CUX2: variants seen among roughly 807,000 people sequenced by gnomAD.
The protein encoded by CUX2 is cut like homeobox 2.
In CUX2, 40 loss-of-function variants were observed where a neutral mutation model predicts 144.8. The ratio of observed to expected loss-of-function variants is 0.28; its 90% confidence interval spans 0.21 to 0.36. The LOEUF (loss-of-function observed/expected upper bound fraction) is 0.36. CUX2 is among the 10% of genes least tolerant of loss of function. CUX2 has a pLI of 1.00. For missense variants in CUX2, 1,615 were observed against 1,994.0 expected (o/e 0.81, Z 3.62); for synonymous variants, 827 against 875.6 (o/e 0.94, Z 0.98).
chr12:111,342,070 G>A lies in CUX2; in HGVS notation c.3659+17G>A, dbSNP rs777924441. Reference sequence around the variant, plus strand: ...CAACTACAGGTGGGACTATGGGGGCGTACCCACAGGCGGGTGGCAGAATCC... The same window carrying A: ...CAACTACAGGTGGGACTATGGGGGCATACCCACAGGCGGGTGGCAGAATCC... On this transcript the variant is annotated intron_variant, in intron 21 of 21. Coordinates refer to ENST00000261726, the MANE Select transcript of CUX2 (RefSeq NM_015267.4). The A allele has an allele frequency of 2.9e-4, 455 of 1,596,312 alleles. No homozygotes were observed. The highest frequency in any genetic ancestry group is 3.7e-4 in the Non-Finnish European group (432 of 1,170,120).
At chr12:111,211,621 C>T (rs950701761) in intron 1 of CUX2, among the ~76,000 whole-genome samples, 2 of 152,158 alleles carry the variant, frequency 1.3e-5, no homozygotes, top group Admixed American at 6.5e-5. Context: ...TGTGGTGGCT[C>T]ACGCCTGTAA....
chr12:111,146,185 C>T (rs1566252516), intron 1 of CUX2, among the ~76,000 whole-genome samples: 2 of 152,222 alleles, frequency 1.3e-5, no homozygotes, highest in Non-Finnish European at 2.9e-5. Flanking sequence ...CACACTGACA[C>T]CTCATTATCA....
chr12:111,270,489 A>G (rs1884586280), intron 4 of CUX2: 1 of 152,216 alleles, frequency 6.6e-6, no homozygotes, highest in Non-Finnish European at 1.5e-5. Context: ...TGTTAAAAGC[A>G]TAATTAATGT....
chr12:111,186,902 C>T lies in CUX2; in HGVS notation c.64-27298C>T, dbSNP rs1486796257. Among the ~76,000 whole-genome samples the T allele has an allele frequency of 6.6e-6, 1 of 152,054 alleles. No individual in the cohort carries two copies. Reference sequence around the variant, plus strand: ...CGAGTGATTCTCCTGCCTCAGCCTCCTGAGTAGCTGGGATTACAGGCACGT... The same window carrying T: ...CGAGTGATTCTCCTGCCTCAGCCTCTTGAGTAGCTGGGATTACAGGCACGT... On this transcript the variant is annotated intron_variant, in intron 1 of 21. Transcript: ENST00000261726. The surrounding 1 kb of genome is among the most constrained non-coding windows in gnomAD (Gnocchi z 4.4).
intron 1 of CUX2, among the ~76,000 whole-genome samples, chr12:111,055,887 G>A (rs766443260): frequency 2.0e-5 from 3 of 152,234 alleles, no homozygotes; most frequent in East Asian, 1.9e-4. Flanking sequence ...AAACCACTTC[G>A]CTGGGAGTCG....
chr12:111,266,917 C>T (rs1462758025), intron 4 of CUX2, among the ~76,000 whole-genome samples: 4 of 152,248 alleles, frequency 2.6e-5, no homozygotes, highest in Admixed American at 6.5e-5. Context: ...GAGGCTCAGC[C>T]GCAGGTGGCG....
At chr12:111,327,510 A>G (rs1349197132) in intron 18 of CUX2, among the ~76,000 whole-genome samples, 1 of 152,180 alleles carries the variant, frequency 6.6e-6, no homozygotes, top group Non-Finnish European at 1.5e-5. Context: ...TGTTGACGCT[A>G]GCCATCCTGG....
chr12:111,264,055 C>G (rs1438252376), intron 4 of CUX2, among the ~76,000 whole-genome samples: 1 of 152,102 alleles, frequency 6.6e-6, no homozygotes, highest in Non-Finnish European at 1.5e-5. Flanking sequence ...GTCACATCAG[C>G]CAGGAGCCTG....
intron 3 of CUX2, among the ~76,000 whole-genome samples, chr12:111,251,057 A>G (rs1164068363): frequency 6.6e-6 from 1 of 152,202 alleles, no homozygotes; most frequent in Non-Finnish European, 1.5e-5. Flanking sequence ...CGCTAAAGAA[A>G]GCCTCCTGTC....
chr12:111,153,839 G>C (rs1020159944), intron 1 of CUX2, among the ~76,000 whole-genome samples: 1 of 152,120 alleles, frequency 6.6e-6, no homozygotes, highest in African/African-American at 2.4e-5. Flanking sequence ...TACACAACAA[G>C]GATTTGTTTT....
chr12:111,303,275 G>A (rs1886398951), intron 9 of CUX2, among the ~76,000 whole-genome samples: 1 of 145,988 alleles, frequency 6.8e-6, no homozygotes, highest in South Asian at 2.2e-4. Flanking sequence ...TTAGTGAACT[G>A]CTGCATTCTG....
At chr12:111,251,285 G>T (rs147772529) in intron 3 of CUX2, among the ~76,000 whole-genome samples, 2 of 152,226 alleles carry the variant, frequency 1.3e-5, no homozygotes, top group East Asian at 1.9e-4. Flanking sequence ...GCAGTCTTAC[G>T]TGGAGGCCTG....
At chr12:111,326,538 C>G (rs1887829145) in intron 18 of CUX2, among the ~76,000 whole-genome samples, 2 of 151,734 alleles carry the variant, frequency 1.3e-5, no homozygotes, top group African/African-American at 2.4e-5. Flanking sequence ...ACTCTGTCAC[C>G]CAGGCTGGAG....
At chr12:111,321,295 C>T (rs1047509277) in intron 17 of CUX2, among the ~76,000 whole-genome samples, 1 of 152,084 alleles carries the variant, frequency 6.6e-6, no homozygotes, top group African/African-American at 2.4e-5. Flanking sequence ...GGTGAAACCC[C>T]ATCTCTACTA....
intron 1 of CUX2, among the ~76,000 whole-genome samples, chr12:111,047,652 C>T (rs201488444): frequency 2.6e-5 from 4 of 152,180 alleles, no homozygotes; most frequent in East Asian, 3.8e-4. Context: ...ACACAAGACT[C>T]GAACCCAGAC....
chr12:111,303,274 T>C (rs1016714293), intron 9 of CUX2, among the ~76,000 whole-genome samples: 2 of 146,076 alleles, frequency 1.4e-5, no homozygotes, highest in Non-Finnish European at 3.0e-5. Context: ...TTTAGTGAAC[T>C]GCTGCATTCT....
Position 111,059,535 on chromosome 12 carries a change from G to T in CUX2, c.63+25295G>T, listed in dbSNP as rs2136019035. Among the ~76,000 whole-genome samples, 1 of 152,214 alleles carries T rather than the reference G, an allele frequency of 6.6e-6. No individual in the cohort carries two copies. The highest frequency in any genetic ancestry group is 2.1e-4 in the South Asian group (1 of 4,806). ...CAGTTTCCCTCACCTTCCAAATGGG[G>T]CACGTGACTCTTCTGACTTTCCTAG... On this transcript the variant is annotated intron_variant, in intron 1 of 21. Coordinates refer to ENST00000261726, the MANE Select transcript of CUX2 (RefSeq NM_015267.4). The surrounding 1 kb of genome is among the most constrained non-coding windows in gnomAD (Gnocchi z 5.3).
intron 1 of CUX2, among the ~76,000 whole-genome samples, chr12:111,038,899 C>T (rs1869596501): frequency 6.6e-6 from 1 of 151,630 alleles, no homozygotes; most frequent in Non-Finnish European, 1.5e-5. Flanking sequence ...CTATTTTGAC[C>T]AGAGGGAACA....
chr12:111,136,583 CTTGG>C (rs1875902631), intron 1 of CUX2, among the ~76,000 whole-genome samples: 1 of 152,220 alleles, frequency 6.6e-6, no homozygotes, highest in Non-Finnish European at 1.5e-5. Flanking sequence ...GCCCTCAGCT[CTTGG>C]TTGGGCACTG....
Sources: allele counts gnomAD v4.1 joint callset (sites outside exome capture counted in the v4.1 genomes callset), GRCh38; gene constraint gnomAD v4.1.1; non-coding constraint Gnocchi (gnomAD v3.1); transcripts MANE v1.5; gene names NCBI Gene and HGNC (gene_info 2026-07-23, HGNC 2026-07-21).